The following ERC2 variants were observed in gnomAD, a reference collection of about 807,000 sequenced individuals.
ERC2 encodes the protein ERC protein 2.
ERC2 carries 42 observed loss-of-function variants against 114.8 expected under a neutral mutation model. The observed-to-expected ratio is 0.37, with a 90% CI of 0.29 to 0.47. The LOEUF is 0.47. ERC2 is among the 20% of genes least tolerant of loss of function. The pLI is 0.99. For synonymous variants in ERC2, 454 were observed against 425.5 expected, an observed-to-expected ratio of 1.07 and a Z score of -0.82; for missense variants, 939 against 1,150.7, an observed-to-expected ratio of 0.82 and a Z score of 2.66.
chr3:56,032,105 A>T (rs1178380625), intron 7 of ERC2, among the ~76,000 whole-genome samples: 1 of 152,168 alleles, frequency 6.6e-6, no homozygotes, highest in East Asian at 1.9e-4. Flanking sequence ...ATCTCTCTAC[A>T]CACCAGCTCC....
At chr3:55,933,965 G>T (rs1286756821) in intron 13 of ERC2, among the ~76,000 whole-genome samples, 2 of 152,106 alleles carry the variant, frequency 1.3e-5, no homozygotes, top group Non-Finnish European at 2.9e-5. Context: ...AATTCTTTGG[G>T]TTTTTAATTT....
intron 3 of ERC2, among the ~76,000 whole-genome samples, chr3:56,200,458 C>T (rs747404743): frequency 6.6e-6 from 1 of 152,170 alleles, no homozygotes. Flanking sequence ...GCCACCCTCA[C>T]CCAACTGTGA....
intron 3 of ERC2, among the ~76,000 whole-genome samples, chr3:56,283,026 C>T (rs1161138407): frequency 6.6e-6 from 1 of 152,190 alleles, no homozygotes; most frequent in African/African-American, 2.4e-5. Flanking sequence ...CAGAAGTCCC[C>T]ACGGTCAGCA....
At chr3:55,681,271 T>C (rs905122909) in intron 17 of ERC2, among the ~76,000 whole-genome samples, 1 of 152,158 alleles carries the variant, frequency 6.6e-6, no homozygotes, top group Admixed American at 6.6e-5. Context: ...ATTTTTAGAG[T>C]GACTTTTTCT....
intron 7 of ERC2, among the ~76,000 whole-genome samples, chr3:56,059,418 G>A (rs987216884): frequency 8.5e-5 from 13 of 152,112 alleles, no homozygotes; most frequent in African/African-American, 3.1e-4. Context: ...CACAGATAAT[G>A]GTTAAAATCC....
chr3:55,742,078 AT>A (rs1559581204), intron 14 of ERC2, among the ~76,000 whole-genome samples: 1 of 151,608 alleles, frequency 6.6e-6, no homozygotes, highest in Non-Finnish European at 1.5e-5. Context: ...ACCAAAAAAA[AT>A]GGTTTTAGCC....
chr3:56,234,737 G>A (rs1326792170), intron 3 of ERC2, among the ~76,000 whole-genome samples: 1 of 152,162 alleles, frequency 6.6e-6, no homozygotes, highest in African/African-American at 2.4e-5. Context: ...CAGAAGGGCC[G>A]AGAGGATGAG....
intron 17 of ERC2, among the ~76,000 whole-genome samples, chr3:55,566,847 T>A (rs1296006698): frequency 6.6e-6 from 1 of 152,120 alleles, no homozygotes; most frequent in African/African-American, 2.4e-5. Context: ...TACAGGTGTA[T>A]GTCACCATGC....
chr3:55,955,293 TG>T, intron 12 of ERC2: 1 of 410,278 alleles, frequency 2.4e-6, no homozygotes, highest in Non-Finnish European at 4.9e-6. Context: ...TGTGTGTAAG[TG>T]GGGTATAAAT....
Position 56,230,064 on chromosome 3 carries a change from C to A in ERC2, c.1075-56544G>T, listed in dbSNP as rs577359948. Among the ~76,000 whole-genome samples, 32 of 151,924 alleles carry A rather than the reference C, an allele frequency of 2.1e-4. No homozygotes were observed. The East Asian group carries it at 6.2e-3, about 29-fold the overall frequency. ...TATTTTTAGTAGAGACAGGGTTTCA[C>A]CATATTGGCCAGGCTGGTCTTGAAC... On this transcript the variant is annotated intron_variant, in intron 3 of 17. Transcript: ENST00000288221.
intron 4 of ERC2, among the ~76,000 whole-genome samples, chr3:56,171,340 T>A (rs2082655259): frequency 6.6e-6 from 1 of 152,088 alleles, no homozygotes; most frequent in Non-Finnish European, 1.5e-5. Flanking sequence ...CTAACTCAAT[T>A]TAGGTATGTT....
intron 6 of ERC2, among the ~76,000 whole-genome samples, chr3:56,093,131 A>G (rs1007434470): frequency 6.6e-6 from 1 of 152,142 alleles, no homozygotes; most frequent in Non-Finnish European, 1.5e-5. Context: ...GTGTCTCTCA[A>G]ATACTCCTGG....
intron 3 of ERC2, among the ~76,000 whole-genome samples, chr3:56,282,078 T>C (rs150939857): frequency 3.3e-4 from 51 of 152,308 alleles, no homozygotes; most frequent in Middle Eastern, 6.8e-3. Flanking sequence ...ATAGGTCATG[T>C]CACTTGAGAC....
At chr3:56,170,603 T>G (rs796890617) in intron 4 of ERC2, among the ~76,000 whole-genome samples, 11 of 82,776 alleles carry the variant, frequency 1.3e-4, no homozygotes, top group South Asian at 7.3e-4. Context: ...TTTTTTTTTT[T>G]TTTTTTTTTT....
At chr3:55,749,268 T>C (rs2066509790) in intron 14 of ERC2, among the ~76,000 whole-genome samples, 2 of 152,170 alleles carry the variant, frequency 1.3e-5, no homozygotes, top group South Asian at 2.1e-4. Flanking sequence ...TACCGATCTG[T>C]TGAATGCTGA....
At chr3:56,159,768 T>C (rs1297038748) in intron 4 of ERC2, among the ~76,000 whole-genome samples, 1 of 152,232 alleles carries the variant, frequency 6.6e-6, no homozygotes, top group Non-Finnish European at 1.5e-5. Flanking sequence ...TTTGGTTTTC[T>C]GTTAATGTGT....
At chr3:56,084,235 TG>T (rs1266530350) in intron 6 of ERC2, among the ~76,000 whole-genome samples, 1 of 152,020 alleles carries the variant, frequency 6.6e-6, no homozygotes, top group Non-Finnish European at 1.5e-5. Context: ...TTGGATGTGG[TG>T]GAAAGGAAAT....
chr3:56,333,924 T>TAA (rs2057742546), intron 2 of ERC2, among the ~76,000 whole-genome samples: 1 of 152,222 alleles, frequency 6.6e-6, no homozygotes, highest in Non-Finnish European at 1.5e-5. Context: ...TTCTTATATA[T>TAA]AACCCACTCT....
chr3:56,390,860 C>CT (rs2060102719), intron 2 of ERC2, among the ~76,000 whole-genome samples: 1 of 152,132 alleles, frequency 6.6e-6, no homozygotes, highest in African/African-American at 2.4e-5. Flanking sequence ...ATAAGGACCC[C>CT]TCCCAGGGTG....
Sources: gnomAD v4.1 joint callset for allele counts (sites outside exome capture counted in the v4.1 genomes callset) on GRCh38, gnomAD v4.1.1 for gene constraint, MANE v1.5 for transcripts, NCBI Gene and HGNC (gene_info 2026-07-23, HGNC 2026-07-21) for gene names.